Variants in TANGO6 observed in about 807,000 individuals in gnomAD.
TANGO6 encodes transport and golgi organization 6 homolog, also known as transport and Golgi organization protein 6 homolog.
TANGO6 carries 90 observed loss-of-function variants against 114.2 expected under a neutral mutation model. The ratio of observed to expected loss-of-function variants is 0.79; its 90% CI spans 0.66 to 0.94. The LOEUF (loss-of-function observed/expected upper bound fraction) is 0.94. Ranked by LOEUF, TANGO6 falls within the 40% of genes least tolerant of loss-of-function variation. The pLI is 0.00. For missense variants in TANGO6, 1,274 were observed against 1,315.3 expected, an observed-to-expected ratio of 0.97 and a Z score of 0.49; for synonymous variants, 477 against 509.8, an observed-to-expected ratio of 0.94 and a Z score of 0.87.
intron 1 of TANGO6, among the ~76,000 whole-genome samples, chr16:68,857,811 A>G (rs1962023712): frequency 6.6e-6 from 1 of 152,176 alleles, no homozygotes; most frequent in Middle Eastern, 3.2e-3. Flanking sequence ...TGCCATGTGT[A>G]CTATTTTATA....
At chr16:68,933,253 A>G (rs533916386) in intron 14 of TANGO6, among the ~76,000 whole-genome samples, 1 of 152,286 alleles carries the variant, frequency 6.6e-6, no homozygotes, top group East Asian at 1.9e-4. Flanking sequence ...TGTCCCTGCT[A>G]AAAATACAAA....
At chr16:68,875,726 G>A (rs1044135079) in intron 5 of TANGO6, among the ~76,000 whole-genome samples, 3 of 150,186 alleles carry the variant, frequency 2.0e-5, no homozygotes, top group Admixed American at 6.7e-5. Context: ...CCGAGATTGA[G>A]CCATTACACT....
intron 15 of TANGO6, among the ~76,000 whole-genome samples, chr16:69,015,458 A>AT (rs1175783707): frequency 1.1e-5 from 1 of 88,062 alleles, no homozygotes; most frequent in African/African-American, 3.2e-5. Flanking sequence ...ACAGATGCTC[A>AT]TTTTATTTTA....
intron 17 of TANGO6, among the ~76,000 whole-genome samples, chr16:69,043,360 G>A (rs1164982623): frequency 6.6e-6 from 1 of 151,462 alleles, no homozygotes; most frequent in African/African-American, 2.4e-5. Context: ...AGTCAGAGAA[G>A]AAATAGAAAC....
chr16:68,949,490 C>T (rs1283486926), intron 14 of TANGO6, among the ~76,000 whole-genome samples: 1 of 151,034 alleles, frequency 6.6e-6, no homozygotes, highest in African/African-American at 2.4e-5. Context: ...GCATGATTGT[C>T]AGTGCCTGTA....
At chr16:68,914,404 T>A (rs1409530552) in intron 11 of TANGO6, among the ~76,000 whole-genome samples, 1 of 152,154 alleles carries the variant, frequency 6.6e-6, no homozygotes, top group Non-Finnish European at 1.5e-5. Context: ...TCAGGTGATC[T>A]GCCTGCCTTG....
rs757084913 is a variant in TANGO6, at chr16:68,843,718, G to C, written c.94+7G>C. 6.8e-6 allele frequency: 11 copies of C among 1,613,126 alleles called. No homozygotes were observed. The South Asian group carries it at 1.1e-4, about 16-fold the overall frequency. On this transcript the variant is annotated splice_region_variant and intron_variant, in intron 1 of 17. Coordinates refer to ENST00000261778, the MANE Select transcript of TANGO6 (RefSeq NM_024562.2). The stretch of plus-strand genomic sequence containing the variant: ...CTGCTGCTGAGCCCGGGAGGTGAGA[G>C]GACGCATCTCCGCGCCGGGCTGGAC...
At chr16:68,879,104 CTA>C (rs907267605) in intron 6 of TANGO6, among the ~76,000 whole-genome samples, 5 of 151,902 alleles carry the variant, frequency 3.3e-5, no homozygotes, top group African/African-American at 1.2e-4. Flanking sequence ...TATGATAAAA[CTA>C]TGTCTAAATA....
intron 16 of TANGO6, among the ~76,000 whole-genome samples, chr16:69,024,270 C>CTT (rs535262771): frequency 5.9e-5 from 8 of 135,264 alleles, no homozygotes; most frequent in South Asian, 2.4e-4. Flanking sequence ...CTCTAGCCCC[C>CTT]TTTTTTTTTT....
chr16:68,907,703 G>C, intron 10 of TANGO6, 128 bp downstream of exon 10: 1 of 1,126,538 alleles, frequency 8.9e-7, no homozygotes, highest in Non-Finnish European at 1.2e-6. Context: ...AATGGTCAGA[G>C]GACATAAAGG....
Position 69,082,397 on chromosome 16 carries a change from C to A in TANGO6, c.3109-1088C>A, listed in dbSNP as rs1356599441. Among the ~76,000 whole-genome samples the A allele has an allele frequency of 2.0e-5, 3 of 152,104 alleles. No individual in the cohort carries two copies. The East Asian group carries it at 5.8e-4, about 29-fold the overall frequency. On this transcript the variant is annotated intron_variant, in intron 17 of 17. Coordinates refer to ENST00000261778, the MANE Select transcript of TANGO6 (RefSeq NM_024562.2). The stretch of plus-strand genomic sequence containing the variant: ...GGGATTACAGGCATGAGCCACCGCA[C>A]CGGCCTGGTGACAGATTTTTAAAGT...
chr16:69,004,365 T>G (rs1468233722), intron 15 of TANGO6, among the ~76,000 whole-genome samples: 1 of 151,994 alleles, frequency 6.6e-6, no homozygotes, highest in Non-Finnish European at 1.5e-5. Context: ...CTTTTTTTTT[T>G]TTGTTTTTGA....
At chr16:68,894,519 G>A (rs532678743) in intron 7 of TANGO6, among the ~76,000 whole-genome samples, 1 of 152,136 alleles carries the variant, frequency 6.6e-6, no homozygotes, top group Admixed American at 6.6e-5. Flanking sequence ...GTGCCACACG[G>A]ACACTTCAGC....
intron 14 of TANGO6, among the ~76,000 whole-genome samples, chr16:68,941,147 G>T (rs1963348911): frequency 6.6e-6 from 1 of 152,088 alleles, no homozygotes; most frequent in Non-Finnish European, 1.5e-5. Flanking sequence ...ATTGTCCTAA[G>T]AATATTTAGA....
intron 1 of TANGO6, among the ~76,000 whole-genome samples, chr16:68,847,789 C>T (rs1018410477): frequency 2.0e-5 from 3 of 152,100 alleles, no homozygotes; most frequent in African/African-American, 4.8e-5. Context: ...CTCCCGAGGT[C>T]AGGAGTTCGA....
At chr16:68,928,618 A>G (rs1172913805) in intron 13 of TANGO6, among the ~76,000 whole-genome samples, 1 of 152,080 alleles carries the variant, frequency 6.6e-6, no homozygotes, top group Non-Finnish European at 1.5e-5. Context: ...TTTTGCATGC[A>G]AGAAATGCTG....
At chr16:68,870,478 T>C (rs17623281) in intron 4 of TANGO6, among the ~76,000 whole-genome samples, 14,855 of 152,176 alleles carry the variant, frequency 0.098, 821 homozygotes, top group Non-Finnish European at 0.13. Context: ...AAGTTGTCCC[T>C]TACAAACAGG....
chr16:69,031,613 G>A (rs1177246709), intron 16 of TANGO6, among the ~76,000 whole-genome samples: 1 of 151,938 alleles, frequency 6.6e-6, no homozygotes, highest in African/African-American at 2.4e-5. Context: ...GGGGCCCAAA[G>A]GGAGTTTGCT....
chr16:69,016,432 T>C (rs1174212066), intron 15 of TANGO6, among the ~76,000 whole-genome samples: 1 of 151,886 alleles, frequency 6.6e-6, no homozygotes. Flanking sequence ...GATGAATGAA[T>C]GAGATACCTC....
Sources: allele counts gnomAD v4.1 joint callset (sites outside exome capture counted in the v4.1 genomes callset), GRCh38; gene constraint gnomAD v4.1.1; transcripts MANE v1.5; gene names NCBI Gene and HGNC (gene_info 2026-07-23, HGNC 2026-07-21).